SH3PXD2B: variants seen among roughly 807,000 people sequenced by gnomAD.
SH3PXD2B encodes SH3 and PX domain-containing protein 2B.
Under a neutral mutation model 73.1 loss-of-function variants are expected in SH3PXD2B, and 37 were observed. That is an observed-to-expected ratio of 0.51 (90% CI 0.39 to 0.67). The LOEUF (loss-of-function observed/expected upper bound fraction) is 0.67. Among genes scored for constraint, SH3PXD2B ranks in the 30% least tolerant of loss-of-function variants. The probability of loss-of-function intolerance (pLI) is 0.00; values close to 1 mark genes in which losing one functional copy is unlikely to be tolerated. For synonymous variants in SH3PXD2B, 457 were observed against 480.5 expected, an observed-to-expected ratio of 0.95 and a Z score of 0.64; for missense variants, 1,053 against 1,197.8, an observed-to-expected ratio of 0.88 and a Z score of 1.78.
chr5:172,366,051 C>T lies in SH3PXD2B; in HGVS notation c.428-3182G>A, dbSNP rs116426067. On this transcript the variant is annotated intron_variant, in intron 6 of 12. Transcript: ENST00000311601. The stretch of plus-strand genomic sequence containing the variant: ...AAGAGAAAAAGCACCCACTTCACAG[C>T]CAGGTTGGTGCCTGCACCTGCTGCC... 3.9e-3 allele frequency among the ~76,000 whole-genome samples: 597 copies of T among 152,306 alleles called. 4 individuals are homozygous for T. Among genetic ancestry groups the T allele is most frequent in the Admixed American group, 6.9e-3 (106 of 15,296 alleles).
rs147097145 is a variant in SH3PXD2B, at chr5:172,392,617, T to G, written c.309+1946A>C. Among the ~76,000 whole-genome samples, 145 of 113,618 alleles carry G rather than the reference T, an allele frequency of 1.3e-3. 1 individual carries two copies. The highest frequency in any genetic ancestry group is 8.5e-3 in the Middle Eastern group (2 of 234). The allele number at this position is 113,618 out of a possible 152,430, so 74.5% of individuals were successfully genotyped here. A position where few individuals can be genotyped will look rare whatever the true frequency, so the allele number is the denominator to read the frequency against. On this transcript the variant is annotated intron_variant, in intron 4 of 12. Coordinates refer to ENST00000311601, the MANE Select transcript of SH3PXD2B (RefSeq NM_001017995.3). ...AGTGTAACCCCGTCTCTACTAAAAATACAAAAAAAAAAAAAAAATTAGCCA... is the reference window on the plus strand; with the variant it reads ...AGTGTAACCCCGTCTCTACTAAAAAGACAAAAAAAAAAAAAAAATTAGCCA...
downstream of SH3PXD2B, among the ~76,000 whole-genome samples, chr5:172,332,465 T>G (rs930836623): frequency 2.0e-5 from 3 of 151,474 alleles, no homozygotes; most frequent in African/African-American, 7.3e-5. Context: ...GGTCTTGCTA[T>G]GTTGCCCAGC....
intron 5 of SH3PXD2B, among the ~76,000 whole-genome samples, chr5:172,377,235 A>G (rs1275013934): frequency 6.6e-6 from 1 of 151,766 alleles, no homozygotes; most frequent in Admixed American, 6.6e-5. Context: ...AAGTTTTCCT[A>G]CTCATGGCGG....
In SH3PXD2B at chr5:172,335,537, C is replaced by T. The variant is rs1756667833; in HGVS notation, c.*2832G>A. 10 of 1,231,728 alleles carry T rather than the reference C, an allele frequency of 8.1e-6. No homozygotes were observed. The highest frequency in any genetic ancestry group is 1.0e-5 in the Non-Finnish European group (10 of 987,966). The allele number at this position is 1,231,728 out of a possible 1,614,324, so 76.3% of individuals were successfully genotyped here. A position where few individuals can be genotyped will look rare whatever the true frequency, so the allele number is the denominator to read the frequency against. ...TTTCTCACTATAGATCAGGGCTGGT[C>T]CTATCCGCCTCACAGGCTTGCCGTA... On this transcript the variant is annotated 3_prime_UTR_variant, in exon 13 of 13. Coordinates refer to ENST00000311601, the MANE Select transcript of SH3PXD2B (RefSeq NM_001017995.3).
chr5:172,339,301 C>T lies in SH3PXD2B; in HGVS notation c.1804G>A (p.Val602Ile), dbSNP rs1288815002. The T allele has an allele frequency of 6.2e-7, 1 of 1,614,164 alleles. No homozygotes were observed. The highest frequency in any genetic ancestry group is 1.1e-5 in the South Asian group (1 of 91,084). The change falls in exon 13 of 13, where the codon GTC becomes ATC. Residue 602 changes from valine to isoleucine, a missense_variant. Around this residue, in one of 2 missense-constraint regions of SH3PXD2B, gnomAD observed 587 missense variants for 590.7 expected, o/e 0.99. Coordinates refer to ENST00000311601, the MANE Select transcript of SH3PXD2B (RefSeq NM_001017995.3). The surrounding 1 kb of genome is among the most constrained non-coding windows in gnomAD (Gnocchi z 6.1). The stretch of plus-strand genomic sequence containing the variant: ...GGCTTCTTCACTTCCTTGGCCAAGA[C>T]CTTGTGGCCACACTCCAGCCCCATG... ...NDMGLECGHK[V>I]LAKEVKKPNL...
At chr5:172,432,598 C>G (rs948672238) in intron 1 of SH3PXD2B, among the ~76,000 whole-genome samples, 5 of 152,140 alleles carry the variant, frequency 3.3e-5, no homozygotes, top group African/African-American at 1.2e-4. Context: ...AGCAAGTAGG[C>G]AAATTCGCAA....
downstream of SH3PXD2B, among the ~76,000 whole-genome samples, chr5:172,330,023 T>C (rs1253629471): frequency 1.3e-5 from 2 of 152,244 alleles, no homozygotes; most frequent in Admixed American, 6.5e-5. Flanking sequence ...TGTGTTTCCC[T>C]TATCCAAAAT....
At chr5:172,351,166 G>A (rs990727942) in intron 9 of SH3PXD2B, among the ~76,000 whole-genome samples, 3 of 152,178 alleles carry the variant, frequency 2.0e-5, no homozygotes, top group Admixed American at 6.5e-5. Flanking sequence ...GGGTCTCCCT[G>A]TCACCCAGGC....
intron 1 of SH3PXD2B, among the ~76,000 whole-genome samples, chr5:172,423,055 G>A (rs1759008670): frequency 6.7e-6 from 1 of 149,356 alleles, no homozygotes; most frequent in Admixed American, 6.6e-5. Context: ...ATAGATGTGA[G>A]GTGCTGATGA....
intron 6 of SH3PXD2B, 60 bp downstream of exon 6, chr5:172,373,730 G>A: frequency 6.5e-7 from 1 of 1,548,046 alleles, no homozygotes. Flanking sequence ...TGCACAGTTG[G>A]TGCTCGGCTG....
chr5:172,328,330 T>G (rs1756484701), intron 12 of SH3PXD2B, among the ~76,000 whole-genome samples: 1 of 151,882 alleles, frequency 6.6e-6, no homozygotes, highest in Non-Finnish European at 1.5e-5. Context: ...GGTCTCGAAC[T>G]CCTGACCTCA....
intron 12 of SH3PXD2B, among the ~76,000 whole-genome samples, chr5:172,344,960 A>T (rs1561894096): frequency 6.6e-6 from 1 of 151,006 alleles, no homozygotes; most frequent in African/African-American, 2.4e-5. Flanking sequence ...GGAGGAAAGG[A>T]AGGAAGGAGG....
intron 12 of SH3PXD2B, among the ~76,000 whole-genome samples, chr5:172,344,039 T>A (rs1250812788): frequency 1.3e-5 from 2 of 151,866 alleles, no homozygotes; most frequent in African/African-American, 4.8e-5. Flanking sequence ...GGGACTTCTG[T>A]GAAGATCAGT....
At chr5:172,422,284 C>T (rs184299382) in intron 2 of SH3PXD2B, 132 bp downstream of exon 2, 51 of 842,486 alleles carry the variant, frequency 6.1e-5, no homozygotes, top group African/African-American at 8.4e-5. Context: ...TGTGAGCCAC[C>T]ACGCCCAGCC....
intron 1 of SH3PXD2B, among the ~76,000 whole-genome samples, chr5:172,439,316 G>C (rs186776496): frequency 3.9e-4 from 57 of 147,440 alleles, no homozygotes; most frequent in African/African-American, 1.3e-3. Flanking sequence ...CACAGGCATC[G>C]GCTTTAGAAT....
chr5:172,435,834 ACAT>A (rs772998109), intron 1 of SH3PXD2B, among the ~76,000 whole-genome samples: 22 of 71,240 alleles, frequency 3.1e-4, no homozygotes, highest in Non-Finnish European at 7.9e-4. Context: ...ACTGAAGACA[ACAT>A]CTCAAGAGAA....
chr5:172,350,244 C>A lies in SH3PXD2B; in HGVS notation c.1012+119G>T, dbSNP rs967688261. On this transcript the variant is annotated intron_variant, in intron 10 of 12. Transcript: ENST00000311601. ...GGTTTCTGGGCCTCTGTTTTCTTAT[C>A]TGGAGGATGGGGGAGCAGCTGGGCT... is the stretch of plus-strand genomic sequence containing the variant. The A allele has an allele frequency of 9.3e-6, 9 of 968,742 alleles. No individual in the cohort carries two copies. The African/African-American group carries it at 1.5e-4, about 16-fold the overall frequency. The allele number at this position is 968,742 out of a possible 1,614,324, so 60.0% of individuals were successfully genotyped here.
chr5:172,384,055 C>A (rs1474313515), intron 4 of SH3PXD2B, among the ~76,000 whole-genome samples: 1 of 151,956 alleles, frequency 6.6e-6, no homozygotes, highest in Non-Finnish European at 1.5e-5. Flanking sequence ...CCATGTTGGC[C>A]AGGATAGTCT....
At position 172,335,585 on chromosome 5, in the gene SH3PXD2B, T is replaced by C; in HGVS notation, c.*2784A>G. ...GTAAGGATTAAAGGAGCGTGTGTGT[T>C]TAGGCACTGGTCACCAGCCCGGTGC... On this transcript the variant is annotated 3_prime_UTR_variant, in exon 13 of 13. Transcript: ENST00000311601. 8.1e-7 allele frequency: 1 copy of C among 1,231,804 alleles called. No individual in the cohort carries two copies. The highest frequency in any genetic ancestry group is 1.0e-6 in the Non-Finnish European group (1 of 988,026). The allele number at this position is 1,231,804 out of a possible 1,614,324, so 76.3% of individuals were successfully genotyped here. A position where few individuals can be genotyped will look rare whatever the true frequency, so the allele number is the denominator to read the frequency against.
Sources: gnomAD v4.1 joint callset for allele counts (sites outside exome capture counted in the v4.1 genomes callset) on GRCh38, gnomAD v4.1.1 for gene constraint, gnomAD v4.1.1 regional missense constraint, Gnocchi (gnomAD v3.1) non-coding constraint, MANE v1.5 for transcripts, NCBI Gene and HGNC (gene_info 2026-07-23, HGNC 2026-07-21) for gene names.